IL1RAPL2: variants seen among roughly 807,000 people sequenced by gnomAD.
The protein encoded by IL1RAPL2 is interleukin 1 receptor accessory protein like 2, also known as X-linked interleukin-1 receptor accessory protein-like 2.
IL1RAPL2 carries 3 observed loss-of-function variants against 44.1 expected under a neutral mutation model. That is an observed-to-expected ratio of 0.07 (90% CI 0.03 to 0.18). The LOEUF is 0.18. Ranked by LOEUF, IL1RAPL2 falls within the 10% of genes least tolerant of loss-of-function variation. The pLI is 1.00. For synonymous variants in IL1RAPL2, 181 were observed against 178.8 expected (o/e 1.01, Z -0.10); for missense variants, 391 against 496.4 (o/e 0.79, Z 2.02).
chrX:104,747,042 G>C (rs1258222858), intron 2 of IL1RAPL2, among the ~76,000 whole-genome samples: 2 of 111,224 alleles, frequency 1.8e-5, no homozygotes, highest in Non-Finnish European at 3.8e-5. Context: ...GGATATCTCT[G>C]GTTAGTCTTT....
chrX:104,760,711 A>T (rs1932413394), intron 2 of IL1RAPL2, among the ~76,000 whole-genome samples: 1 of 111,487 alleles, frequency 9.0e-6, no homozygotes, highest in Admixed American at 9.6e-5. Flanking sequence ...TAGTTTGAAA[A>T]TATTTTCTCT....
At chrX:105,337,481 G>A (rs759206977) in intron 5 of IL1RAPL2, among the ~76,000 whole-genome samples, 1 of 112,107 alleles carries the variant, frequency 8.9e-6, no homozygotes, top group Admixed American at 9.5e-5. Flanking sequence ...TCCTAAGTAA[G>A]GACTTTGTTG....
At chrX:105,526,441 G>C (rs889674632) in intron 6 of IL1RAPL2, among the ~76,000 whole-genome samples, 7 of 111,813 alleles carry the variant, frequency 6.3e-5, no homozygotes, top group Non-Finnish European at 1.1e-4. Flanking sequence ...TTTAATAACA[G>C]CTTTCATCAA....
chrX:104,692,582 A>G (rs1931109839), intron 2 of IL1RAPL2, among the ~76,000 whole-genome samples: 1 of 108,179 alleles, frequency 9.2e-6, no homozygotes, highest in Non-Finnish European at 1.9e-5. Flanking sequence ...ATTCCCACCT[A>G]TGAGTGAGAA....
chrX:105,051,200 C>T (rs2031917642), intron 2 of IL1RAPL2, among the ~76,000 whole-genome samples: 1 of 35 alleles, frequency 0.029, no homozygotes, highest in Non-Finnish European at 0.071. Flanking sequence ...TGGCCCTGGG[C>T]TCAGCCCAAC....
At chrX:105,663,333 A>C (rs2037734384) in intron 6 of IL1RAPL2, among the ~76,000 whole-genome samples, 1 of 112,457 alleles carries the variant, frequency 8.9e-6, no homozygotes, top group Non-Finnish European at 1.9e-5. Context: ...ACTGTATCAA[A>C]AAAGTTTAAA....
At chrX:104,601,248 A>G (rs1928875853) in intron 1 of IL1RAPL2, among the ~76,000 whole-genome samples, 1 of 110,204 alleles carries the variant, frequency 9.1e-6, no homozygotes, top group African/African-American at 3.3e-5. Flanking sequence ...CATTTACATT[A>G]GGTATATCTC....
chrX:105,156,499 C>T (rs966155126), intron 2 of IL1RAPL2, among the ~76,000 whole-genome samples: 1 of 112,246 alleles, frequency 8.9e-6, no homozygotes, highest in Non-Finnish European at 1.9e-5. Context: ...GTGGTATAAG[C>T]TCTGCTACAT....
intron 2 of IL1RAPL2, among the ~76,000 whole-genome samples, chrX:104,966,994 G>T (rs759958904): frequency 1.6e-4 from 18 of 112,330 alleles, no homozygotes; most frequent in African/African-American, 5.8e-4. Context: ...CAGGCAGTAG[G>T]CCAGTCTTGG....
At chrX:105,271,040 T>G (rs2034442574) in intron 5 of IL1RAPL2, among the ~76,000 whole-genome samples, 1 of 112,249 alleles carries the variant, frequency 8.9e-6, no homozygotes, top group Non-Finnish European at 1.9e-5. Flanking sequence ...GGTACATAGG[T>G]GCTATTTGCT....
intron 5 of IL1RAPL2, among the ~76,000 whole-genome samples, chrX:105,316,308 T>C (rs1283664315): frequency 9.0e-6 from 1 of 111,012 alleles, no homozygotes. Flanking sequence ...TAAATAAATA[T>C]AGCTGGTGAT....
intron 2 of IL1RAPL2, among the ~76,000 whole-genome samples, chrX:105,012,674 C>CAGAGAG (rs59693765): frequency 0.025 from 2,068 of 81,184 alleles, 92 homozygotes; most frequent in African/African-American, 0.093. Flanking sequence ...CACACACACA[C>CAGAGAG]AGAGAGAGAG....
intron 2 of IL1RAPL2, among the ~76,000 whole-genome samples, chrX:105,160,313 C>G (rs192125612): frequency 4.4e-4 from 49 of 110,647 alleles, no homozygotes; most frequent in African/African-American, 1.5e-3. Context: ...TATTCTACAG[C>G]CCAATACAAG....
At chrX:105,351,171 G>C (rs760367791) in intron 5 of IL1RAPL2, among the ~76,000 whole-genome samples, 24 of 111,710 alleles carry the variant, frequency 2.1e-4, no homozygotes, top group African/African-American at 7.5e-4. Flanking sequence ...TTACACTGTT[G>C]GTGGGAGTGT....
intron 2 of IL1RAPL2, among the ~76,000 whole-genome samples, chrX:104,946,883 C>T (rs1228629821): frequency 4.2e-5 from 4 of 94,839 alleles, no homozygotes; most frequent in East Asian, 3.4e-4. Context: ...CATACGTGTG[C>T]ATGTGTCTTT....
At chrX:105,318,023 A>AGTG (rs1369567439) in intron 5 of IL1RAPL2, among the ~76,000 whole-genome samples, 1 of 103,805 alleles carries the variant, frequency 9.6e-6, no homozygotes, top group East Asian at 3.0e-4. Context: ...CCCAGGCTGG[A>AGTG]GTGCAGTGGC....
intron 2 of IL1RAPL2, among the ~76,000 whole-genome samples, chrX:105,065,199 G>C (rs1360772828): frequency 9.0e-6 from 1 of 111,250 alleles, no homozygotes; most frequent in East Asian, 2.8e-4. Flanking sequence ...TAACTAGAAG[G>C]GTCCACCACA....
intron 1 of IL1RAPL2, among the ~76,000 whole-genome samples, chrX:104,600,280 C>T (rs769537616): frequency 7.8e-4 from 87 of 111,334 alleles, no homozygotes; most frequent in Non-Finnish European, 1.4e-3. Flanking sequence ...ATTGAGAGTC[C>T]AGGCCTTGTT....
chrX:104,571,216 A>G (rs1430382680), intron 1 of IL1RAPL2, among the ~76,000 whole-genome samples: 1 of 112,011 alleles, frequency 8.9e-6, no homozygotes, highest in Non-Finnish European at 1.9e-5. Context: ...CTAATTCAGT[A>G]TATCCTACAT....
Sources: allele counts gnomAD v4.1 joint callset (sites outside exome capture counted in the v4.1 genomes callset), GRCh38; gene constraint gnomAD v4.1.1; transcripts MANE v1.5; gene names NCBI Gene and HGNC (gene_info 2026-07-23, HGNC 2026-07-21).